Variants in COBL observed in about 807,000 individuals in gnomAD.
The protein encoded by COBL is protein cordon-bleu.
Under a neutral mutation model 98.8 loss-of-function variants are expected in COBL, and 51 were observed. The ratio of observed to expected loss-of-function variants is 0.52; its 90% CI spans 0.41 to 0.65. COBL has a LOEUF of 0.65. COBL is among the 30% of genes least tolerant of loss of function. The pLI is 0.00. For synonymous variants in COBL, 634 were observed against 651.7 expected, an observed-to-expected ratio of 0.97 and a Z score of 0.41; for missense variants, 1,617 against 1,617.5, an observed-to-expected ratio of 1.00 and a Z score of 0.01.
At chr7:51,189,563 G>T (rs895119244) in intron 4 of COBL, among the ~76,000 whole-genome samples, 1 of 152,148 alleles carries the variant, frequency 6.6e-6, no homozygotes, top group Non-Finnish European at 1.5e-5. Flanking sequence ...GAACCTGGGA[G>T]GTGGAGGTTG....
chr7:51,088,358 T>A (rs1173439836), intron 6 of COBL, among the ~76,000 whole-genome samples: 1 of 151,654 alleles, frequency 6.6e-6, no homozygotes, highest in Admixed American at 6.6e-5. Context: ...CTCTTGGAAA[T>A]TTTCTCCATT....
chr7:51,028,957 T>C lies in COBL; in HGVS notation c.2139A>G (p.Pro713=). 6.2e-7 allele frequency: 1 copy of C among 1,614,192 alleles called. No homozygotes were observed. Among genetic ancestry groups the C allele is most frequent in the South Asian group, 1.1e-5 (1 of 91,090 alleles). Residue 713 remains proline, a synonymous_variant, in exon 10 of 13, where the codon CCA becomes CCG. Transcript: ENST00000265136. ...HGLTTYKIIP[P]KSEMRCYDRD... ...TGTCGTAACATCGCATCTCTGACTTTGGAGGAATGATTTTATACGTTGTGA... is the reference window on the plus strand; with the variant it reads ...TGTCGTAACATCGCATCTCTGACTTCGGAGGAATGATTTTATACGTTGTGA...
At chr7:51,050,345 T>C (rs545130050) in intron 7 of COBL, among the ~76,000 whole-genome samples, 6 of 152,290 alleles carry the variant, frequency 3.9e-5, no homozygotes, top group Admixed American at 2.0e-4. Flanking sequence ...TTCCAAGTTA[T>C]TCCACTGTAA....
chr7:51,175,491 T>C (rs1312977484), intron 5 of COBL, among the ~76,000 whole-genome samples: 1 of 152,228 alleles, frequency 6.6e-6, no homozygotes, highest in Non-Finnish European at 1.5e-5. Flanking sequence ...AATGTTAACA[T>C]GCATTGTATT....
rs1406369554 is a variant in COBL, at chr7:51,040,675, A to C, written c.1406+2708T>G. On this transcript the variant is annotated intron_variant, in intron 8 of 12. Transcript: ENST00000265136. ...AGCTAGTTAGTGGTGGTAAGATTCC[A>C]TTGTAGGTCTATCAGGTTCCCGAAC... Among the ~76,000 whole-genome samples the C allele has an allele frequency of 5.9e-5, 9 of 152,298 alleles. No individual in the cohort carries two copies. In the East Asian group the frequency reaches 1.7e-3, roughly 29 times the overall value.
rs967458794 is a variant in COBL, at chr7:51,106,406, C to T, written c.958-21102G>A. Among the ~76,000 whole-genome samples the T allele has an allele frequency of 2.6e-5, 4 of 152,066 alleles. No homozygotes were observed. The South Asian group carries it at 8.3e-4, about 31-fold the overall frequency. ...GGGCATGTTTGCTGGAAGCAGTATC[C>T]CGGCTGGTGTCATCCTGGCAGATGG... is the stretch of plus-strand genomic sequence containing the variant. On this transcript the variant is annotated intron_variant, in intron 6 of 12. Coordinates refer to ENST00000265136, the MANE Select transcript of COBL (RefSeq NM_015198.5).
At chr7:51,221,493 T>C (rs576009991) in intron 1 of COBL, among the ~76,000 whole-genome samples, 2 of 152,368 alleles carry the variant, frequency 1.3e-5, no homozygotes, top group East Asian at 3.9e-4. Context: ...AATTATGTTA[T>C]ACCAGAACTA....
chr7:51,209,584 G>A (rs140650817), intron 2 of COBL, among the ~76,000 whole-genome samples: 1 of 152,312 alleles, frequency 6.6e-6, no homozygotes, highest in African/African-American at 2.4e-5. Flanking sequence ...AGTCCACAGA[G>A]AACCCTCAGC....
chr7:51,140,229 T>C (rs1799607585), intron 5 of COBL, among the ~76,000 whole-genome samples: 1 of 152,126 alleles, frequency 6.6e-6, no homozygotes, highest in Non-Finnish European at 1.5e-5. Flanking sequence ...GGATTTAAAC[T>C]TCCTCCAGGC....
At position 51,138,752 on chromosome 7, in the gene COBL, C is replaced by G. The variant is rs537957018; in HGVS notation, c.784-2421G>C. Among the ~76,000 whole-genome samples the G allele has an allele frequency of 1.1e-3, 174 of 152,360 alleles. 2 individuals carry two copies. The South Asian group carries it at 0.032, about 28-fold the overall frequency. Reference sequence around the variant, plus strand: ...TAAAGCTGTGGTAGTCAAAGAACTACACACCTGTACCCATGCCACCTGCTA... The same window carrying G: ...TAAAGCTGTGGTAGTCAAAGAACTAGACACCTGTACCCATGCCACCTGCTA... On this transcript the variant is annotated intron_variant, in intron 5 of 12. Transcript: ENST00000265136.
intron 7 of COBL, among the ~76,000 whole-genome samples, chr7:51,048,527 T>C (rs1331336265): frequency 6.6e-6 from 1 of 152,156 alleles, no homozygotes; most frequent in African/African-American, 2.4e-5. Context: ...AAATGAGTTC[T>C]TCCTTTAACA....
intron 2 of COBL, among the ~76,000 whole-genome samples, chr7:51,213,378 A>G (rs573183741): frequency 6.6e-6 from 1 of 152,234 alleles, no homozygotes; most frequent in Non-Finnish European, 1.5e-5. Context: ...CCCTATTGTG[A>G]ACTGCGTATG....
At chr7:51,169,909 T>A (rs543116096) in intron 5 of COBL, among the ~76,000 whole-genome samples, 12 of 152,196 alleles carry the variant, frequency 7.9e-5, no homozygotes, top group Admixed American at 1.3e-4. Flanking sequence ...ATGATGTTAT[T>A]ATTTCACATG....
chr7:51,028,173 A>G lies in COBL; in HGVS notation c.2923T>C (p.Cys975Arg). 1 of 1,614,254 alleles carries G rather than the reference A, an allele frequency of 6.2e-7. No individual in the cohort carries two copies. The highest frequency in any genetic ancestry group is 8.5e-7 in the Non-Finnish European group (1 of 1,180,044). Residue 975 changes from cysteine to arginine, a missense_variant, in exon 10 of 13, where the codon TGT becomes CGT. This residue lies in a region of COBL where 1,304 missense variants were observed against 1,282.0 expected (regional missense o/e 1.02). Transcript: ENST00000265136. Reference sequence around the variant, plus strand: ...TGGGAAGACTGAACCAGTGAGAAACAGGAGCTTCTGTGGATAGCAGCAGGT... The same window carrying G: ...TGGGAAGACTGAACCAGTGAGAAACGGGAGCTTCTGTGGATAGCAGCAGGT... ...DRPAAIHRSSCFSLVQSSQRD... is the reference protein window; with the variant it reads ...DRPAAIHRSSRFSLVQSSQRD...
intron 12 of COBL, among the ~76,000 whole-genome samples, chr7:51,024,233 C>T (rs1379232680): frequency 1.3e-5 from 2 of 151,918 alleles, no homozygotes; most frequent in Non-Finnish European, 2.9e-5. Context: ...GGCATGAACC[C>T]GGGAGGCGGA....
chr7:51,269,910 C>T (rs1026699357), intron 1 of COBL, among the ~76,000 whole-genome samples: 5 of 152,148 alleles, frequency 3.3e-5, no homozygotes, highest in African/African-American at 9.7e-5. Context: ...AGCCTGCTGG[C>T]GGCCATACTG....
chr7:51,224,153 T>G (rs1195863560), intron 1 of COBL, among the ~76,000 whole-genome samples: 1 of 152,168 alleles, frequency 6.6e-6, no homozygotes. Context: ...GGCTCTACCA[T>G]GTAGGTATGT....
At chr7:51,189,092 TTCTG>T (rs1164154593) in intron 4 of COBL, among the ~76,000 whole-genome samples, 3 of 152,230 alleles carry the variant, frequency 2.0e-5, no homozygotes, top group African/African-American at 7.2e-5. Context: ...CTGAGACTAT[TTCTG>T]TCTGTGTTTT....
chr7:51,187,550 G>A (rs1295943892), intron 4 of COBL, among the ~76,000 whole-genome samples: 3 of 152,242 alleles, frequency 2.0e-5, no homozygotes, highest in Admixed American at 2.0e-4. Context: ...GCCTTCAGGG[G>A]CAGGTAAGCA....
Sources: allele counts gnomAD v4.1 joint callset (sites outside exome capture counted in the v4.1 genomes callset), GRCh38; gene constraint gnomAD v4.1.1; regional missense constraint gnomAD v4.1.1; transcripts MANE v1.5; gene names NCBI Gene and HGNC (gene_info 2026-07-23, HGNC 2026-07-21).